The following COL14A1 variants were observed in gnomAD, a reference collection of about 807,000 sequenced individuals.
COL14A1 encodes the protein collagen alpha-1(XIV) chain.
In COL14A1, 136 loss-of-function variants were observed where a neutral mutation model predicts 230.3. That is an observed-to-expected ratio of 0.59 (90% confidence interval 0.51 to 0.68). The LOEUF (loss-of-function observed/expected upper bound fraction) is 0.68, where lower values mean the gene tolerates loss of function less well. Ranked by LOEUF, COL14A1 falls within the 30% of genes least tolerant of loss-of-function variation. The pLI, the probability that COL14A1 is intolerant of heterozygous loss-of-function variation, is 0.00. For synonymous variants in COL14A1, 792 were observed against 784.1 expected (o/e 1.01, Z -0.17); for missense variants, 1,976 against 2,215.8 (o/e 0.89, Z 2.17).
intron 1 of COL14A1, among the ~76,000 whole-genome samples, chr8:120,133,863 GA>G (rs1814625186): frequency 1.3e-5 from 2 of 151,846 alleles, no homozygotes; most frequent in African/African-American, 4.8e-5. Context: ...AAAAATTAAG[GA>G]AATCAATTTT....
At chr8:120,308,555 A>G (rs956094181) in intron 36 of COL14A1, among the ~76,000 whole-genome samples, 2 of 152,256 alleles carry the variant, frequency 1.3e-5, no homozygotes, top group African/African-American at 4.8e-5. Context: ...ATAGATATAG[A>G]TGCACATAAA....
chr8:120,156,811 G>A (rs1815495909), intron 2 of COL14A1, among the ~76,000 whole-genome samples: 1 of 152,142 alleles, frequency 6.6e-6, no homozygotes, highest in South Asian at 2.1e-4. Context: ...GGTTTTGGAA[G>A]AAACAATAAC....
intron 19 of COL14A1, 70 bp from the exon 20 acceptor site, chr8:120,243,809 G>C: frequency 6.5e-7 from 1 of 1,539,162 alleles, no homozygotes; most frequent in Non-Finnish European, 8.9e-7. Flanking sequence ...AATGCATAAA[G>C]TTATGCTCCA....
intron 24 of COL14A1, among the ~76,000 whole-genome samples, chr8:120,264,460 G>T (rs1044338758): frequency 6.6e-6 from 1 of 152,090 alleles, no homozygotes; most frequent in East Asian, 1.9e-4. Context: ...CAGCATCTCT[G>T]AGCTTTTCAC....
At chr8:120,174,094 A>G (rs2130608257) in intron 5 of COL14A1, among the ~76,000 whole-genome samples, 1 of 152,350 alleles carries the variant, frequency 6.6e-6, no homozygotes, top group Admixed American at 6.5e-5. Context: ...ACACTGAAAA[A>G]GAAGTATCAC....
In COL14A1 at chr8:120,203,786, G is replaced by A. The variant is rs759810359; in HGVS notation, c.955G>A (p.Glu319Lys). The change falls in exon 9 of 48, where the codon GAA becomes AAA. Residue 319 changes from glutamate (E) to lysine (K), a missense_variant. Glu to Lys is a moderately conservative substitution (Grantham distance 56). Transcript: ENST00000297848. The part of the protein sequence containing the change: ...PDSTHVYNVA[E>K]FDLMHTVVES... ...CAGCACTCATGTGTACAATGTTGCC[G>A]AATTCGATCTGATGCACACAGTTGT... 1.4e-5 allele frequency: 23 copies of A among 1,613,808 alleles called. No individual in the cohort carries two copies. The highest frequency in any genetic ancestry group is 4.4e-5 in the South Asian group (4 of 91,060).
At chr8:120,301,118 T>G (rs1417830456) in intron 36 of COL14A1, among the ~76,000 whole-genome samples, 1 of 152,144 alleles carries the variant, frequency 6.6e-6, no homozygotes, top group African/African-American at 2.4e-5. Flanking sequence ...TGGTTAATTT[T>G]CGGTGTGAAT....
At chr8:120,277,989 T>C in intron 26 of COL14A1, 122 bp from the exon 27 acceptor site, 1 of 916,608 alleles carries the variant, frequency 1.1e-6, no homozygotes, top group Non-Finnish European at 1.5e-6. Flanking sequence ...GAAATTTTAA[T>C]CCAAGCAGAT....
intron 36 of COL14A1, among the ~76,000 whole-genome samples, chr8:120,307,618 A>G (rs1442532923): frequency 6.6e-6 from 1 of 152,228 alleles, no homozygotes; most frequent in Non-Finnish European, 1.5e-5. Flanking sequence ...GTATATAAAT[A>G]GACAGTCACA....
At chr8:120,267,051 T>C in intron 25 of COL14A1, 168 bp downstream of exon 25, 1 of 595,488 alleles carries the variant, frequency 1.7e-6, no homozygotes, top group East Asian at 2.9e-5. Context: ...ATGATATCCA[T>C]TTAATATCAA....
intron 42 of COL14A1, among the ~76,000 whole-genome samples, chr8:120,337,679 C>T (rs951368149): frequency 2.6e-5 from 4 of 152,128 alleles, no homozygotes; most frequent in African/African-American, 4.8e-5. Flanking sequence ...CTTTACATTT[C>T]GAGTGCTCCT....
At chr8:120,313,510 T>TC (rs548814734) in intron 37 of COL14A1, among the ~76,000 whole-genome samples, 70 of 150,898 alleles carry the variant, frequency 4.6e-4, no homozygotes, top group Admixed American at 1.4e-3. Context: ...TGCAGAGGAG[T>TC]CCCCCCGAGG....
intron 38 of COL14A1, among the ~76,000 whole-genome samples, chr8:120,314,875 A>G (rs1376325804): frequency 6.6e-6 from 1 of 152,228 alleles, no homozygotes; most frequent in Non-Finnish European, 1.5e-5. Context: ...CCAAAACAAA[A>G]CAAAACAAAT....
chr8:120,234,320 A>ATTGCCCTGG (rs1818371871), intron 19 of COL14A1, among the ~76,000 whole-genome samples: 1 of 152,120 alleles, frequency 6.6e-6, no homozygotes, highest in African/African-American at 2.4e-5. Flanking sequence ...CTCTTGCCTG[A>ATTGCCCTGG]TTGCCCTGGC....
At chr8:120,298,263 C>T (rs1048921687) in intron 35 of COL14A1, among the ~76,000 whole-genome samples, 1 of 151,926 alleles carries the variant, frequency 6.6e-6, no homozygotes, top group East Asian at 1.9e-4. Context: ...GTCATTCACA[C>T]GAAGTCCAGT....
At chr8:120,136,959 CAAAAAAAAAAAA>C (rs34417716) in intron 1 of COL14A1, among the ~76,000 whole-genome samples, 1 of 62,908 alleles carries the variant, frequency 1.6e-5, no homozygotes, top group Non-Finnish European at 2.7e-5. Flanking sequence ...GAGTCTGTCT[CAAAAAAAAAAAA>C]AAAAAAAAAA....
intron 47 of COL14A1, 135 bp from the exon 48 acceptor site, chr8:120,371,017 G>C: frequency 9.7e-7 from 1 of 1,032,006 alleles, no homozygotes; most frequent in African/African-American, 1.6e-5. Flanking sequence ...GGTACAAGGG[G>C]CGTGGTGGAT....
intron 40 of COL14A1, among the ~76,000 whole-genome samples, chr8:120,318,933 G>A (rs1038466976): frequency 2.6e-5 from 4 of 152,204 alleles, no homozygotes; most frequent in East Asian, 1.9e-4. Flanking sequence ...GTCACTTAAC[G>A]TTACTGTGCC....
chr8:120,202,105 T>A (rs933841366), intron 8 of COL14A1, among the ~76,000 whole-genome samples: 1 of 152,342 alleles, frequency 6.6e-6, no homozygotes, highest in East Asian at 1.9e-4. Flanking sequence ...TTTATTTTCC[T>A]GTCCTTTTGT....
Sources: gnomAD v4.1 joint callset for allele counts (sites outside exome capture counted in the v4.1 genomes callset) on GRCh38, gnomAD v4.1.1 for gene constraint, MANE v1.5 for transcripts, NCBI Gene and HGNC (gene_info 2026-07-23, HGNC 2026-07-21) for gene names.